DIP2B: variants seen among roughly 807,000 people sequenced by gnomAD.
DIP2B encodes the protein DIP2 acetate--CoA ligase B (putative).
A neutral mutation model predicts 198.0 loss-of-function variants in DIP2B; 76 were observed. The ratio of observed to expected loss-of-function variants is 0.38; its 90% CI spans 0.32 to 0.46. The LOEUF is 0.46. DIP2B is among the 20% of genes least tolerant of loss of function. DIP2B has a pLI of 0.99. For missense variants in DIP2B, 1,559 were observed against 1,978.4 expected, an observed-to-expected ratio of 0.79 and a Z score of 4.02; for synonymous variants, 701 against 739.1, an observed-to-expected ratio of 0.95 and a Z score of 0.84.
At chr12:50,659,140 A>G (rs1311189550) in intron 3 of DIP2B, among the ~76,000 whole-genome samples, 2 of 152,196 alleles carry the variant, frequency 1.3e-5, no homozygotes, top group African/African-American at 2.4e-5. Context: ...GGTAGGTCAT[A>G]GAAACAAATC....
At chr12:50,743,401 T>G (rs1592151746) in intron 37 of DIP2B, among the ~76,000 whole-genome samples, 1 of 152,102 alleles carries the variant, frequency 6.6e-6, no homozygotes, top group Admixed American at 6.6e-5. Flanking sequence ...TTTAAAGCAA[T>G]TTAGCCCTGC....
intron 2 of DIP2B, among the ~76,000 whole-genome samples, chr12:50,639,090 AT>A (rs5798145): frequency 8.5e-4 from 118 of 139,110 alleles, no homozygotes; most frequent in African/African-American, 2.8e-3. Context: ...AGTCTCCACA[AT>A]TTTTTTTTTT....
chr12:50,552,945 C>T (rs926532053), intron 1 of DIP2B, among the ~76,000 whole-genome samples: 1 of 152,096 alleles, frequency 6.6e-6, no homozygotes, highest in Admixed American at 6.6e-5. Context: ...AAGCCATTCT[C>T]CTGCCTCAGC....
chr12:50,625,312 G>C (rs917948712), intron 1 of DIP2B, among the ~76,000 whole-genome samples: 34 of 152,216 alleles, frequency 2.2e-4, no homozygotes, highest in Admixed American at 1.8e-3. Flanking sequence ...TTCAACTACA[G>C]ATTTTCTCCT....
chr12:50,513,198 G>C (rs957907322), intron 1 of DIP2B, among the ~76,000 whole-genome samples: 1 of 152,164 alleles, frequency 6.6e-6, no homozygotes, highest in Non-Finnish European at 1.5e-5. Flanking sequence ...AGTAGAATAA[G>C]GTTATATATG....
intron 1 of DIP2B, among the ~76,000 whole-genome samples, chr12:50,540,536 T>G (rs1958314123): frequency 1.3e-5 from 2 of 150,376 alleles, no homozygotes; most frequent in African/African-American, 4.9e-5. Flanking sequence ...GACATTATGA[T>G]TAAAAAAATT....
At chr12:50,679,925 A>G (rs1279310599) in intron 8 of DIP2B, 2 of 152,188 alleles carry the variant, frequency 1.3e-5, no homozygotes, top group African/African-American at 4.8e-5. Flanking sequence ...GTGGTTTTTC[A>G]GAAAAAGCTT....
chr12:50,735,079 T>C lies in DIP2B; in HGVS notation c.4050T>C (p.Arg1350=). The C allele has an allele frequency of 6.2e-7, 1 of 1,614,130 alleles. No individual in the cohort carries two copies. Among genetic ancestry groups the C allele is most frequent in the Non-Finnish European group, 8.5e-7 (1 of 1,180,010 alleles). ...DLKSLRHDRV[R]LVERGAPQSL... ...AAATACCGTTCTTCTGCAGGGTTCG[T>C]CTCGTGGAACGTGGCGCCCCTCAGA... is the stretch of plus-strand genomic sequence containing the variant. The change falls in exon 34 of 38, where the codon CGT becomes CGC. Residue 1350 remains arginine, a synonymous_variant. Transcript: ENST00000301180.
At chr12:50,714,343 T>G in intron 22 of DIP2B, 52 bp from the exon 23 acceptor site, 3 of 1,602,394 alleles carry the variant, frequency 1.9e-6, no homozygotes, top group Non-Finnish European at 2.6e-6. Flanking sequence ...CAGGAATATG[T>G]CAAATGTAAT....
In DIP2B at chr12:50,683,766, G is replaced by C. The variant is rs563370030; in HGVS notation, c.1317+518G>C. Among the ~76,000 whole-genome samples, 46 of 152,014 alleles carry C rather than the reference G, an allele frequency of 3.0e-4. 1 individual carries two copies. The highest frequency in any genetic ancestry group is 6.8e-3 in the Middle Eastern group (2 of 292). On this transcript the variant is annotated intron_variant, in intron 10 of 37. Coordinates refer to ENST00000301180, the MANE Select transcript of DIP2B (RefSeq NM_173602.3). ...CTATTGCACTCCAGCTTGGGCGACA[G>C]AGCAAGACTCCGTCTAAAAATAAAT...
intron 1 of DIP2B, among the ~76,000 whole-genome samples, chr12:50,613,017 T>C (rs1291471607): frequency 6.6e-6 from 1 of 152,246 alleles, no homozygotes; most frequent in Non-Finnish European, 1.5e-5. Context: ...TAGCACAGCA[T>C]GTGCCTCCCG....
chr12:50,733,471 T>G (rs987195569), intron 32 of DIP2B, among the ~76,000 whole-genome samples: 11 of 152,140 alleles, frequency 7.2e-5, no homozygotes, highest in African/African-American at 2.7e-4. Flanking sequence ...GAGGATTGCT[T>G]GAGCCCTGAA....
chr12:50,705,741 G>A (rs1006966632), intron 20 of DIP2B, among the ~76,000 whole-genome samples: 5 of 152,206 alleles, frequency 3.3e-5, no homozygotes, highest in Admixed American at 6.5e-5. Flanking sequence ...TGACATATGG[G>A]TTGAACCAGT....
intron 1 of DIP2B, among the ~76,000 whole-genome samples, chr12:50,582,819 G>A (rs12320201): frequency 0.13 from 19,449 of 152,108 alleles, 2,421 homozygotes; most frequent in East Asian, 0.36. Context: ...GTCAGTGGTC[G>A]TGTTTCCCCT....
At chr12:50,551,265 A>T (rs192376410) in intron 1 of DIP2B, among the ~76,000 whole-genome samples, 192 of 152,246 alleles carry the variant, frequency 1.3e-3, no homozygotes, top group Middle Eastern at 3.4e-3. Context: ...CTCTACTAAA[A>T]ATACAAAAAT....
At chr12:50,659,334 G>C (rs1938606208) in intron 3 of DIP2B, among the ~76,000 whole-genome samples, 1 of 152,096 alleles carries the variant, frequency 6.6e-6, no homozygotes, top group Non-Finnish European at 1.5e-5. Flanking sequence ...GCTCTTATAA[G>C]GGGTATATTT....
chr12:50,735,597 C>T (rs533547860), intron 34 of DIP2B, among the ~76,000 whole-genome samples: 3 of 152,040 alleles, frequency 2.0e-5, no homozygotes, highest in East Asian at 1.9e-4. Flanking sequence ...TCCGAGTAGC[C>T]GGGGTTACAG....
intron 1 of DIP2B, among the ~76,000 whole-genome samples, chr12:50,520,320 G>A (rs904045430): frequency 1.3e-5 from 2 of 152,136 alleles, no homozygotes; most frequent in African/African-American, 4.8e-5. Flanking sequence ...ACAGGCGTGA[G>A]CCACCGTACC....
chr12:50,663,674 A>G (rs1054069197), intron 4 of DIP2B, among the ~76,000 whole-genome samples: 5 of 151,746 alleles, frequency 3.3e-5, no homozygotes, highest in Non-Finnish European at 5.9e-5. Context: ...GGAGGGGACC[A>G]GCCTGTGCAA....
Sources: gnomAD v4.1 joint callset for allele counts (sites outside exome capture counted in the v4.1 genomes callset) on GRCh38, gnomAD v4.1.1 for gene constraint, MANE v1.5 for transcripts, NCBI Gene and HGNC (gene_info 2026-07-23, HGNC 2026-07-21) for gene names.